The following SPAST variants were observed in gnomAD, a reference collection of about 807,000 sequenced individuals.
SPAST encodes the protein spastin, also known as spastic paraplegia 4 (autosomal dominant; spastin).
SPAST carries 30 observed loss-of-function variants against 76.6 expected under a neutral mutation model. The observed-to-expected ratio is 0.39, with a 90% CI of 0.29 to 0.53. The LOEUF (loss-of-function observed/expected upper bound fraction) is 0.53. Among genes scored for constraint, SPAST ranks in the 20% least tolerant of loss-of-function variants. The pLI is 0.68. For synonymous variants in SPAST, 305 were observed against 281.0 expected, an observed-to-expected ratio of 1.09 and a Z score of -0.86; for missense variants, 717 against 770.5, an observed-to-expected ratio of 0.93 and a Z score of 0.82.
chr2:32,131,688 T>TC (rs1198206591), intron 9 of SPAST, among the ~76,000 whole-genome samples: 2 of 147,778 alleles, frequency 1.4e-5, no homozygotes, highest in Admixed American at 6.8e-5. Context: ...TTTTTTTTTT[T>TC]TTTTGAGATG....
chr2:32,134,982 C>A (rs1339488423), intron 9 of SPAST, among the ~76,000 whole-genome samples: 1 of 152,146 alleles, frequency 6.6e-6, no homozygotes, highest in Non-Finnish European at 1.5e-5. Flanking sequence ...AGGCATGAGC[C>A]ACCGCACCCG....
chr2:32,119,776 A>G (rs1406042758), intron 7 of SPAST, among the ~76,000 whole-genome samples: 2 of 152,238 alleles, frequency 1.3e-5, no homozygotes, highest in South Asian at 2.1e-4. Flanking sequence ...ATTTTAAAGT[A>G]TATCACAGTG....
Position 32,063,902 on chromosome 2 carries a change from C to A in SPAST, c.71C>A (p.Pro24His). 1 of 1,581,836 alleles carries A rather than the reference C, an allele frequency of 6.3e-7. No homozygotes were observed. Among genetic ancestry groups the A allele is most frequent in the South Asian group, 1.1e-5 (1 of 87,886 alleles). ...GCCAGCAACCCGGTGCCTCCCAGGC[C>A]TCCGCCCCCTTGCCTGGCCCCCGCC... ...GGASNPVPPR[P>H]PPPCLAPAPP... Residue 24 changes from proline to histidine, a missense_variant, in exon 1 of 17, where the codon CCT becomes CAT. Physicochemically the swap from Pro to His is moderately conservative, Grantham distance 77. This residue lies in a region of SPAST where 543 missense variants were observed against 445.2 expected (regional missense o/e 1.22). Transcript: ENST00000315285.
chr2:32,112,875 C>T (rs1678670079), intron 4 of SPAST, among the ~76,000 whole-genome samples: 1 of 151,878 alleles, frequency 6.6e-6, no homozygotes, highest in African/African-American at 2.4e-5. Flanking sequence ...ACTGACTTAA[C>T]ATTTGTCTTC....
intron 4 of SPAST, among the ~76,000 whole-genome samples, chr2:32,105,856 C>T (rs1487371366): frequency 1.3e-5 from 2 of 152,126 alleles, no homozygotes; most frequent in Non-Finnish European, 2.9e-5. Context: ...GTATATGAGG[C>T]GTCAGTCAGC....
At chr2:32,123,539 T>C (rs1271338338) in intron 7 of SPAST, among the ~76,000 whole-genome samples, 1 of 152,098 alleles carries the variant, frequency 6.6e-6, no homozygotes, top group African/African-American at 2.4e-5. Context: ...AAAGTTTATA[T>C]GAAAAGGCAA....
At chr2:32,126,401 C>T (rs1213712414) in intron 7 of SPAST, 1 of 150,694 alleles carries the variant, frequency 6.6e-6, no homozygotes, top group African/African-American at 2.4e-5. Context: ...GAGAAACATG[C>T]CTATGTTCAA....
At chr2:32,081,818 C>T (rs1001087824) in intron 1 of SPAST, among the ~76,000 whole-genome samples, 1 of 113,922 alleles carries the variant, frequency 8.8e-6, no homozygotes, top group African/African-American at 3.1e-5. Flanking sequence ...AAGAAAAGTG[C>T]TCCAAATGCT....
rs1679782992 is a variant in SPAST at position 32,143,317 on chromosome 2, A to C, written c.1537-19A>C. 1.5e-6 allele frequency: 2 copies of C among 1,353,260 alleles called. No individual in the cohort carries two copies. The highest frequency in any genetic ancestry group is 2.1e-6 in the Non-Finnish European group (2 of 945,876). The allele number at this position is 1,353,260 out of a possible 1,614,324, so 83.8% of individuals were successfully genotyped here. A position where few individuals can be genotyped will look rare whatever the true frequency, so the allele number is the denominator to read the frequency against. On this transcript the variant is annotated intron_variant, in intron 13 of 16. Transcript: ENST00000315285. ...AATTCTGAAATTAGACTGAATGATCATTTTTTAATATTTTTCAGACAAGAC... is the reference window on the plus strand; with the variant it reads ...AATTCTGAAATTAGACTGAATGATCCTTTTTTAATATTTTTCAGACAAGAC...
chr2:32,084,263 C>G (rs1327416302), intron 1 of SPAST, among the ~76,000 whole-genome samples: 4 of 150,572 alleles, frequency 2.7e-5, no homozygotes, highest in African/African-American at 9.8e-5. Context: ...TGGGTTCACG[C>G]CATTCTCCTG....
chr2:32,117,627 G>T (rs1355967514), intron 7 of SPAST, among the ~76,000 whole-genome samples: 6 of 151,526 alleles, frequency 4.0e-5, no homozygotes, highest in Non-Finnish European at 8.8e-5. Flanking sequence ...TGCCTTTGGG[G>T]TTCAAGTGAT....
At chr2:32,074,827 C>T (rs1676887980) in intron 1 of SPAST, among the ~76,000 whole-genome samples, 1 of 152,134 alleles carries the variant, frequency 6.6e-6, no homozygotes, top group Middle Eastern at 3.4e-3. Context: ...ATTTGAGGGT[C>T]AACTTTTACC....
intron 4 of SPAST, among the ~76,000 whole-genome samples, chr2:32,109,164 A>C (rs540248990): frequency 1.3e-5 from 2 of 152,162 alleles, no homozygotes; most frequent in East Asian, 3.9e-4. Context: ...GCTGGAGTGC[A>C]GTGGCACGAT....
intron 16 of SPAST, among the ~76,000 whole-genome samples, chr2:32,153,535 C>T (rs2280973): frequency 6.6e-6 from 1 of 151,132 alleles, no homozygotes. Flanking sequence ...AGGCTGGTCT[C>T]GAACTGCTGA....
At chr2:32,075,551 T>TC (rs1446276567) in intron 1 of SPAST, among the ~76,000 whole-genome samples, 24 of 131,528 alleles carry the variant, frequency 1.8e-4, no homozygotes, top group Non-Finnish European at 2.6e-4. Context: ...TTTTTTCTTT[T>TC]TTTTTTTTTT....
At chr2:32,108,664 T>C (rs927787737) in intron 4 of SPAST, among the ~76,000 whole-genome samples, 7 of 151,162 alleles carry the variant, frequency 4.6e-5, no homozygotes, top group African/African-American at 1.4e-4. Flanking sequence ...TTGGCCAGTC[T>C]GGTCTCAAAC....
intron 2 of SPAST, among the ~76,000 whole-genome samples, 197 bp from the exon 3 acceptor site, chr2:32,089,325 C>T (rs916604486): frequency 5.3e-5 from 8 of 150,752 alleles, no homozygotes; most frequent in Admixed American, 2.7e-4. Flanking sequence ...AAGTGAGCCA[C>T]AACACCTGGC....
Position 32,064,081 on chromosome 2 carries a change from C to G in SPAST, c.250C>G (p.Arg84Gly), listed in dbSNP as rs776114823. ...CGTGTGGCTCTGCCAGCGCTTCTCCCGCGCCCTCATGGCAGCCAAGAGGAG... is the reference window on the plus strand; with the variant it reads ...CGTGTGGCTCTGCCAGCGCTTCTCCGGCGCCCTCATGGCAGCCAAGAGGAG... ...LFVWLCQRFS[R>G]ALMAAKRSSG... is the part of the protein sequence containing the mutation. Residue 84 changes from arginine to glycine, a missense_variant, in exon 1 of 17, where the codon CGC becomes GGC. This residue lies in a region of SPAST where 543 missense variants were observed against 445.2 expected (regional missense o/e 1.22). Coordinates refer to ENST00000315285, the MANE Select transcript of SPAST (RefSeq NM_014946.4). 6.2e-7 allele frequency: 1 copy of G among 1,612,228 alleles called. No homozygotes were observed. Among genetic ancestry groups the G allele is most frequent in the Non-Finnish European group, 8.5e-7 (1 of 1,179,206 alleles).
chr2:32,093,514 G>T (rs1225671908), intron 3 of SPAST, among the ~76,000 whole-genome samples: 1 of 151,982 alleles, frequency 6.6e-6, no homozygotes, highest in East Asian at 1.9e-4. Context: ...ACCACCTCTT[G>T]TCCACTCCTA....
Sources: gnomAD v4.1 joint callset for allele counts (sites outside exome capture counted in the v4.1 genomes callset) on GRCh38, gnomAD v4.1.1 for gene constraint, gnomAD v4.1.1 regional missense constraint, MANE v1.5 for transcripts, NCBI Gene and HGNC (gene_info 2026-07-23, HGNC 2026-07-21) for gene names.